ASXL1: variants seen among roughly 807,000 people sequenced by gnomAD.
ASXL1 encodes the protein ASXL transcriptional regulator 1, also known as polycomb group protein ASXL1.
ASXL1 carries 65 observed loss-of-function variants against 89.1 expected under a neutral mutation model. The ratio of observed to expected loss-of-function variants is 0.73; its 90% CI spans 0.60 to 0.90. The LOEUF (loss-of-function observed/expected upper bound fraction) is 0.90. ASXL1 is among the 40% of genes least tolerant of loss of function. The pLI is 0.00. For missense variants in ASXL1, 1,786 were observed against 1,942.9 expected (o/e 0.92, Z 1.52); for synonymous variants, 739 against 746.9 (o/e 0.99, Z 0.17).
chr20:32,433,436 G>A lies in ASXL1; in HGVS notation c.1238G>A (p.Arg413Gln), dbSNP rs1466780451. Residue 413 changes from arginine to glutamine, a missense_variant, in exon 12 of 13, where the codon CGG (arginine) becomes CAG (glutamine). Around this residue, in one of 3 missense-constraint regions of ASXL1, gnomAD observed 1,418 missense variants for 1,427.8 expected, o/e 0.99. Coordinates refer to ENST00000375687, the MANE Select transcript of ASXL1 (RefSeq NM_015338.6). ...GATGGGCATTTTAAGAAACGCTCTC[G>A]GCCAGATCTCCGAACCAGAGCCAGA... ...QRDGHFKKRS[R>Q]PDLRTRARRN... 2 of 1,614,028 alleles carry A rather than the reference G, an allele frequency of 1.2e-6. No homozygotes were observed. Among genetic ancestry groups the A allele is most frequent in the Admixed American group, 1.7e-5 (1 of 59,998 alleles).
Position 32,428,141 on chromosome 20 carries a change from A to G in ASXL1, c.266A>G (p.Gln89Arg), listed in dbSNP as rs201743181. ...SLFTLKKDAL[Q>R]WSRHPATVEG... ...TTGCTGTCACAGAAGGATGCCCTGC[A>G]GTGGTCTCGCCATCCAGCTACAGTG... The change falls in exon 5 of 13, where the codon CAG (glutamine) becomes CGG (arginine). Residue 89 changes from glutamine to arginine, a missense_variant. Coordinates refer to ENST00000375687, the MANE Select transcript of ASXL1 (RefSeq NM_015338.6). The G allele has an allele frequency of 1.7e-5, 28 of 1,613,500 alleles. No homozygotes were observed. The highest frequency in any genetic ancestry group is 2.2e-5 in the East Asian group (1 of 44,896).
At chr20:32,409,469 C>G (rs2049008841) in intron 4 of ASXL1, among the ~76,000 whole-genome samples, 1 of 152,152 alleles carries the variant, frequency 6.6e-6, no homozygotes, top group Admixed American at 6.5e-5. Flanking sequence ...AGACATAATG[C>G]CCCCTAACCT....
At chr20:32,373,537 C>T (rs1376879696) in intron 4 of ASXL1, among the ~76,000 whole-genome samples, 1 of 151,964 alleles carries the variant, frequency 6.6e-6, no homozygotes, top group Non-Finnish European at 1.5e-5. Context: ...AAGCAATATA[C>T]GTAAATGCAA....
At chr20:32,415,390 T>C (rs2049121123) in intron 4 of ASXL1, among the ~76,000 whole-genome samples, 1 of 152,198 alleles carries the variant, frequency 6.6e-6, no homozygotes, top group Non-Finnish European at 1.5e-5. Flanking sequence ...GTGCCTCTAG[T>C]CTTCTGTTCC....
chr20:32,360,597 G>A (rs1016855069), intron 1 of ASXL1: 1 of 153,140 alleles, frequency 6.5e-6, no homozygotes, highest in African/African-American at 2.4e-5. Flanking sequence ...GTAGGTGAAA[G>A]TACTTTTAAG....
In ASXL1 at chr20:32,434,643, G is replaced by T; in HGVS notation, c.1931G>T (p.Gly644Val). ...REAATTAIGGGGGPGGGGGGA... is the reference protein window; with the variant it reads ...REAATTAIGGVGGPGGGGGGA... ...GCGGCCACCACTGCCATCGGAGGGG[G>T]GGGTGGCCCGGGTGGAGGTGGCGGC... is the stretch of plus-strand genomic sequence containing the variant. Residue 644 changes from glycine to valine, a missense_variant, in exon 13 of 13, where the codon GGG (glycine) becomes GTG (valine). This residue lies in a region of ASXL1 where 1,418 missense variants were observed against 1,427.8 expected (regional missense o/e 0.99). Coordinates refer to ENST00000375687, the MANE Select transcript of ASXL1 (RefSeq NM_015338.6). 1 of 1,606,078 alleles carries T rather than the reference G, an allele frequency of 6.2e-7. No homozygotes were observed. Among genetic ancestry groups the T allele is most frequent in the Non-Finnish European group, 8.5e-7 (1 of 1,176,188 alleles).
Position 32,358,962 on chromosome 20 carries a change from G to C in ASXL1, c.57+130G>C. The C allele has an allele frequency of 3.0e-6, 3 of 997,724 alleles. 1 individual carries two copies. Among genetic ancestry groups the C allele is most frequent in the Non-Finnish European group, 1.4e-6 (1 of 711,788 alleles). The allele number at this position is 997,724 out of a possible 1,614,324, so 61.8% of individuals were successfully genotyped here. A position where few individuals can be genotyped will look rare whatever the true frequency, so the allele number is the denominator to read the frequency against. ...AGGGGGCGGGGCCATCTTCCTTTAA[G>C]AACGGGACAGCCCCGCAAGGCGAGG... On this transcript the variant is annotated intron_variant, in intron 1 of 12. Coordinates refer to ENST00000375687, the MANE Select transcript of ASXL1 (RefSeq NM_015338.6).
chr20:32,402,469 C>A (rs1384782108), intron 4 of ASXL1, among the ~76,000 whole-genome samples: 1 of 152,188 alleles, frequency 6.6e-6, no homozygotes, highest in Non-Finnish European at 1.5e-5. Context: ...AGGATGAATA[C>A]CTACCTATGA....
intron 4 of ASXL1, among the ~76,000 whole-genome samples, chr20:32,415,847 G>T (rs1354182436): frequency 6.6e-6 from 1 of 151,972 alleles, no homozygotes; most frequent in Non-Finnish European, 1.5e-5. Flanking sequence ...TCAGGAAGAT[G>T]CAAAGAAGTA....
chr20:32,397,729 G>A (rs2048794971), intron 4 of ASXL1, among the ~76,000 whole-genome samples: 1 of 151,732 alleles, frequency 6.6e-6, no homozygotes, highest in African/African-American at 2.4e-5. Flanking sequence ...TTATGAATTA[G>A]TATTGGGCAG....
intron 4 of ASXL1, among the ~76,000 whole-genome samples, chr20:32,369,787 G>T (rs1279181131): frequency 3.5e-5 from 5 of 142,674 alleles, no homozygotes; most frequent in African/African-American, 5.2e-5. Flanking sequence ...GGAGTGCAGT[G>T]GTGCGATCTC....
At chr20:32,408,645 C>T (rs1039180311) in intron 4 of ASXL1, among the ~76,000 whole-genome samples, 11 of 152,114 alleles carry the variant, frequency 7.2e-5, no homozygotes, top group African/African-American at 1.2e-4. Context: ...CTAAAACTTC[C>T]GGGCTCAAGC....
chr20:32,411,045 AATAAAAAAAAT>A lies in ASXL1; in HGVS notation c.253-17081_253-17071del, dbSNP rs1440592068. On this transcript the variant is annotated intron_variant, in intron 4 of 12. Coordinates refer to ENST00000375687, the MANE Select transcript of ASXL1 (RefSeq NM_015338.6). ...AGACTCTGTCTCAAAAAAAAAAAAA[AATAAAAAAAAT>A]AAAAAAAAATTAGTACTCTGAGAGT... is the stretch of plus-strand genomic sequence containing the variant. 1.5e-3 allele frequency among the ~76,000 whole-genome samples: 83 copies of A among 54,204 alleles called. 11 individuals are homozygous for A. The highest frequency in any genetic ancestry group is 7.9e-3 in the South Asian group (8 of 1,018). The allele number at this position is 54,204 out of a possible 152,430, so 35.6% of individuals were successfully genotyped here.
chr20:32,359,426 G>C lies in ASXL1; in HGVS notation c.57+594G>C, dbSNP rs541833779. 4.3e-6 allele frequency: 3 copies of C among 701,856 alleles called. No individual in the cohort carries two copies. The East Asian group carries it at 8.0e-5, about 19-fold the overall frequency. 43.5% of individuals were successfully genotyped at this position (701,856 alleles called of 1,614,324 possible). On this transcript the variant is annotated intron_variant, in intron 1 of 12. Coordinates refer to ENST00000375687, the MANE Select transcript of ASXL1 (RefSeq NM_015338.6). ...GTCCTGTGGGCGACACCTGGGAGGCGGTTAGGAACGCTACTCCTAGGGCCC... is the reference window on the plus strand; with the variant it reads ...GTCCTGTGGGCGACACCTGGGAGGCCGTTAGGAACGCTACTCCTAGGGCCC...
intron 4 of ASXL1, among the ~76,000 whole-genome samples, chr20:32,411,097 ATT>A (rs1211781825): frequency 3.2e-5 from 4 of 124,488 alleles, no homozygotes; most frequent in Non-Finnish European, 3.4e-5. Flanking sequence ...TCAAGTGGTG[ATT>A]TTTTTTTTTT....
rs558200073 is a variant in ASXL1 at position 32,437,856 on chromosome 20, G to T, written c.*518G>T. 8 of 246,382 alleles carry T rather than the reference G, an allele frequency of 3.2e-5. No individual in the cohort carries two copies. In the Admixed American group the frequency reaches 4.0e-4, roughly 12 times the overall value. The allele number at this position is 246,382 out of a possible 1,614,324, so 15.3% of individuals were successfully genotyped here. On this transcript the variant is annotated 3_prime_UTR_variant, in exon 13 of 13. Coordinates refer to ENST00000375687, the MANE Select transcript of ASXL1 (RefSeq NM_015338.6). ...GGGGCTGGTGCACCTGCTGACCTCA[G>T]GGTCACAGTTGAGTCATTTGCCAGT...
In ASXL1 at chr20:32,425,394, GT is replaced by G. The variant is rs139833809; in HGVS notation, c.253-2731del. On this transcript the variant is annotated intron_variant, in intron 4 of 12. Transcript: ENST00000375687. The stretch of plus-strand genomic sequence containing the variant: ...GAGGGACGTTGCTGGGTCAGAGGAT[GT>G]TTGTATCTTCAACTGTACCAGATAA... Among the ~76,000 whole-genome samples, 229 of 152,312 alleles carry G rather than the reference GT, an allele frequency of 1.5e-3. 2 individuals carry two copies. Among genetic ancestry groups the G allele is most frequent in the African/African-American group, 5.1e-3 (211 of 41,566 alleles).
intron 1 of ASXL1, among the ~76,000 whole-genome samples, chr20:32,362,068 A>G (rs1017431871): frequency 2.0e-5 from 3 of 152,152 alleles, no homozygotes; most frequent in African/African-American, 7.2e-5. Context: ...TGTCTCAAAA[A>G]CAAAACAAAA....
At chr20:32,420,602 A>T (rs1241814348) in intron 4 of ASXL1, among the ~76,000 whole-genome samples, 5 of 152,256 alleles carry the variant, frequency 3.3e-5, no homozygotes, top group Non-Finnish European at 7.3e-5. Context: ...TAAAAAGTAT[A>T]CAGCAAGTCT....
Sources: gnomAD v4.1 joint callset for allele counts (sites outside exome capture counted in the v4.1 genomes callset) on GRCh38, gnomAD v4.1.1 for gene constraint, gnomAD v4.1.1 regional missense constraint, MANE v1.5 for transcripts, NCBI Gene and HGNC (gene_info 2026-07-23, HGNC 2026-07-21) for gene names.